Variants in LRP1B observed in about 807,000 individuals in gnomAD.
The protein encoded by LRP1B is LDL receptor related protein 1B, also known as low-density lipoprotein receptor-related protein 1B.
A neutral mutation model predicts 556.6 loss-of-function variants in LRP1B; 217 were observed. The ratio of observed to expected loss-of-function variants is 0.39; its 90% CI spans 0.35 to 0.44. The LOEUF is 0.44. Among genes scored for constraint, LRP1B ranks in the 20% least tolerant of loss-of-function variants. The pLI is 1.00. For synonymous variants in LRP1B, 2,047 were observed against 1,865.8 expected, an observed-to-expected ratio of 1.10 and a Z score of -2.50; for missense variants, 5,053 against 5,620.8, an observed-to-expected ratio of 0.90 and a Z score of 3.23.
chr2:141,920,084 C>A (rs1700142883), intron 1 of LRP1B, among the ~76,000 whole-genome samples: 1 of 151,816 alleles, frequency 6.6e-6, no homozygotes, highest in Admixed American at 6.6e-5. Context: ...TAATATCGAC[C>A]TTTGTTCTTG....
chr2:142,022,324 G>GGCCGGGCGCAGTGGCTCACGCC (rs1574603989), intron 1 of LRP1B, among the ~76,000 whole-genome samples: 1 of 151,680 alleles, frequency 6.6e-6, no homozygotes, highest in South Asian at 2.1e-4. Flanking sequence ...AGAATAGATA[G>GGCCGGGCGCAGTGGCTCACGCC]TATAATCTCC....
intron 41 of LRP1B, among the ~76,000 whole-genome samples, chr2:140,668,142 C>A (rs1006151999): frequency 2.0e-5 from 3 of 151,760 alleles, no homozygotes; most frequent in Non-Finnish European, 4.4e-5. Context: ...GAAACCCCGT[C>A]TCTACTAAAA....
intron 14 of LRP1B, among the ~76,000 whole-genome samples, chr2:141,010,382 A>G (rs1697705574): frequency 6.6e-6 from 1 of 152,128 alleles, no homozygotes; most frequent in African/African-American, 2.4e-5. Flanking sequence ...ACAGTAATAT[A>G]TGAGAAAAAT....
chr2:141,759,309 G>C (rs1021366395), intron 2 of LRP1B, among the ~76,000 whole-genome samples: 8 of 152,104 alleles, frequency 5.3e-5, no homozygotes, highest in African/African-American at 1.9e-4. Context: ...TGATAGAAGG[G>C]CAACATTTAT....
rs1680536978 is a variant in LRP1B at position 140,233,057 on chromosome 2, A to T, written c.*129T>A. The T allele has an allele frequency of 1.8e-6, 1 of 570,250 alleles. No homozygotes were observed. Among genetic ancestry groups the T allele is most frequent in the South Asian group, 5.2e-5 (1 of 19,402 alleles). The allele number at this position is 570,250 out of a possible 1,614,324, so 35.3% of individuals were successfully genotyped here. Reference sequence around the variant, plus strand: ...AAAATAAAACCCAAAAAACTCAGAAAACAATTAACCAGGAAAAAGATAAAG... The same window carrying T: ...AAAATAAAACCCAAAAAACTCAGAATACAATTAACCAGGAAAAAGATAAAG... On this transcript the variant is annotated 3_prime_UTR_variant, in exon 91 of 91. Coordinates refer to ENST00000389484, the MANE Select transcript of LRP1B (RefSeq NM_018557.3).
chr2:140,299,747 G>A (rs972018504), intron 83 of LRP1B, among the ~76,000 whole-genome samples: 1 of 151,958 alleles, frequency 6.6e-6, no homozygotes. Context: ...AACAACAGAA[G>A]TAATTCTTCA....
At chr2:141,039,378 T>G (rs905608636) in intron 11 of LRP1B, among the ~76,000 whole-genome samples, 1 of 152,072 alleles carries the variant, frequency 6.6e-6, no homozygotes, top group Non-Finnish European at 1.5e-5. Flanking sequence ...TAAATTAAAT[T>G]TTATCACAGG....
chr2:141,032,128 C>T (rs1035374831), intron 11 of LRP1B, among the ~76,000 whole-genome samples: 2 of 151,976 alleles, frequency 1.3e-5, no homozygotes, highest in Non-Finnish European at 2.9e-5. Flanking sequence ...TTTGGATATA[C>T]TTGCAAAAAT....
intron 52 of LRP1B, among the ~76,000 whole-genome samples, chr2:140,508,637 G>A (rs934530734): frequency 6.6e-6 from 1 of 152,144 alleles, no homozygotes; most frequent in African/African-American, 2.4e-5. Context: ...AATTTGAACT[G>A]TATGCCAGCT....
intron 2 of LRP1B, among the ~76,000 whole-genome samples, chr2:141,639,812 AT>A (rs543838295): frequency 6.6e-6 from 1 of 151,886 alleles, no homozygotes; most frequent in East Asian, 1.9e-4. Context: ...AAGAGGCAGG[AT>A]TTTTTTTACA....
At chr2:140,445,607 A>T (rs1048815648) in intron 63 of LRP1B, among the ~76,000 whole-genome samples, 20 of 137,586 alleles carry the variant, frequency 1.5e-4, no homozygotes, top group African/African-American at 4.2e-4. Flanking sequence ...GCATTTTATC[A>T]TATTATCTGG....
At position 140,424,516 on chromosome 2, in the gene LRP1B, C is replaced by T. The variant is rs1414406652; in HGVS notation, c.10414+17988G>A. On this transcript the variant is annotated intron_variant, in intron 66 of 90. Coordinates refer to ENST00000389484, the MANE Select transcript of LRP1B (RefSeq NM_018557.3). Reference sequence around the variant, plus strand: ...TCACGAGCATTCATGAAGTGCAATACTGAAGAAAAGTTACAGACATTTTTT... The same window carrying T: ...TCACGAGCATTCATGAAGTGCAATATTGAAGAAAAGTTACAGACATTTTTT... 2.0e-5 allele frequency among the ~76,000 whole-genome samples: 3 copies of T among 152,182 alleles called. No individual in the cohort carries two copies. The East Asian group carries it at 5.8e-4, about 29-fold the overall frequency.
At chr2:140,627,895 A>G (rs1683726117) in intron 41 of LRP1B, among the ~76,000 whole-genome samples, 1 of 152,206 alleles carries the variant, frequency 6.6e-6, no homozygotes, top group Non-Finnish European at 1.5e-5. Flanking sequence ...TAGAACGAAA[A>G]AAACTTTGAC....
At chr2:141,355,166 G>GA (rs985645126) in intron 3 of LRP1B, among the ~76,000 whole-genome samples, 4 of 151,766 alleles carry the variant, frequency 2.6e-5, no homozygotes, top group African/African-American at 7.3e-5. Context: ...GAATTGAACA[G>GA]AAAAAAAATC....
In LRP1B at chr2:141,049,518, G is replaced by A. The variant is rs72981077; in HGVS notation, c.1553-296C>T. Among the ~76,000 whole-genome samples the A allele has an allele frequency of 4.8e-3, 729 of 152,006 alleles. 4 individuals carry two copies. The highest frequency in any genetic ancestry group is 0.017 in the African/African-American group (692 of 41,488). ...TAGATAACTTGTAACTTGTAAAACCGGCATTTATTAAAACATCGGGCACAT... is the reference window on the plus strand; with the variant it reads ...TAGATAACTTGTAACTTGTAAAACCAGCATTTATTAAAACATCGGGCACAT... On this transcript the variant is annotated intron_variant, in intron 10 of 90. Coordinates refer to ENST00000389484, the MANE Select transcript of LRP1B (RefSeq NM_018557.3).
At chr2:140,925,864 T>C (rs1694868724) in intron 20 of LRP1B, among the ~76,000 whole-genome samples, 1 of 152,154 alleles carries the variant, frequency 6.6e-6, no homozygotes, top group South Asian at 2.1e-4. Context: ...ACCTTCCTTT[T>C]ATAAAGATCA....
intron 2 of LRP1B, among the ~76,000 whole-genome samples, chr2:141,543,401 G>A (rs1426112366): frequency 3.3e-5 from 5 of 151,234 alleles, no homozygotes; most frequent in Admixed American, 3.3e-4. Context: ...TGTAGTCCCA[G>A]CTTCTCAAGA....
intron 23 of LRP1B, among the ~76,000 whole-genome samples, chr2:140,902,243 C>A (rs899996724): frequency 6.6e-6 from 1 of 152,054 alleles, no homozygotes; most frequent in African/African-American, 2.4e-5. Flanking sequence ...GGATGGGAAG[C>A]GATACTTCTT....
At chr2:141,927,771 C>T (rs1219041052) in intron 1 of LRP1B, among the ~76,000 whole-genome samples, 1 of 151,700 alleles carries the variant, frequency 6.6e-6, no homozygotes, top group Admixed American at 6.6e-5. Flanking sequence ...ATCATAAATC[C>T]TTCTTGAGTT....
Sources: allele counts gnomAD v4.1 joint callset (sites outside exome capture counted in the v4.1 genomes callset), GRCh38; gene constraint gnomAD v4.1.1; transcripts MANE v1.5; gene names NCBI Gene and HGNC (gene_info 2026-07-23, HGNC 2026-07-21).